MGMT: variants seen among roughly 807,000 people sequenced by gnomAD.
The protein encoded by MGMT is methylated-DNA--protein-cysteine methyltransferase.
MGMT carries 14 observed loss-of-function variants against 15.9 expected under a neutral mutation model. The ratio of observed to expected loss-of-function variants is 0.88; its 90% CI spans 0.58 to 1.37. The LOEUF (loss-of-function observed/expected upper bound fraction) is 1.37. MGMT is among the 40% of genes most tolerant of loss of function. MGMT has a pLI of 0.00. For synonymous variants in MGMT, 130 were observed against 118.2 expected (o/e 1.10, Z -0.65); for missense variants, 282 against 268.1 (o/e 1.05, Z -0.36).
At chr10:129,740,988 G>A (rs979479688) in intron 3 of MGMT, among the ~76,000 whole-genome samples, 1 of 152,172 alleles carries the variant, frequency 6.6e-6, no homozygotes, top group African/African-American at 2.4e-5. Flanking sequence ...GCTCAAACTT[G>A]CATTTTCTGA....
intron 2 of MGMT, among the ~76,000 whole-genome samples, chr10:129,565,329 T>C (rs1846342215): frequency 1.3e-5 from 2 of 151,918 alleles, no homozygotes; most frequent in African/African-American, 2.4e-5. Context: ...CAGTCTACCC[T>C]CTGAACTGAT....
At chr10:129,585,608 C>A (rs1357659465) in intron 2 of MGMT, among the ~76,000 whole-genome samples, 1 of 152,178 alleles carries the variant, frequency 6.6e-6, no homozygotes, top group African/African-American at 2.4e-5. Context: ...ATACCTAATG[C>A]CTAGATATCA....
chr10:129,512,872 C>T (rs568439199), intron 1 of MGMT, among the ~76,000 whole-genome samples: 26 of 152,026 alleles, frequency 1.7e-4, no homozygotes, highest in Admixed American at 1.7e-3. Context: ...ATAGAATTCC[C>T]ATGTGGCCCA....
chr10:129,638,441 A>G (rs538734904), intron 2 of MGMT, among the ~76,000 whole-genome samples: 7,104 of 121,496 alleles, frequency 0.058, 709 homozygotes, highest in African/African-American at 0.19. Flanking sequence ...AAAAAAAAAA[A>G]AAAAGAAAAA....
At chr10:129,635,506 A>G (rs549344256) in intron 2 of MGMT, among the ~76,000 whole-genome samples, 1 of 152,188 alleles carries the variant, frequency 6.6e-6, no homozygotes, top group Admixed American at 6.5e-5. Flanking sequence ...AGTGTGTTCT[A>G]TTTAATTTAT....
intron 2 of MGMT, among the ~76,000 whole-genome samples, chr10:129,677,427 T>G (rs1847798075): frequency 6.6e-6 from 1 of 152,218 alleles, no homozygotes; most frequent in South Asian, 2.1e-4. Flanking sequence ...TGTATTCATC[T>G]CTGCCCTGTA....
At chr10:129,712,508 T>C (rs561481003) in intron 3 of MGMT, among the ~76,000 whole-genome samples, 1 of 152,284 alleles carries the variant, frequency 6.6e-6, no homozygotes, top group South Asian at 2.1e-4. Context: ...GGATTCATAT[T>C]TTTGTATTTT....
intron 1 of MGMT, among the ~76,000 whole-genome samples, chr10:129,502,154 A>T (rs913219072): frequency 6.6e-6 from 1 of 152,190 alleles, no homozygotes; most frequent in African/African-American, 2.4e-5. Context: ...GAGTGTGTCT[A>T]TGTCCTGGAG....
At chr10:129,653,879 G>A (rs1448493630) in intron 2 of MGMT, among the ~76,000 whole-genome samples, 1 of 152,166 alleles carries the variant, frequency 6.6e-6, no homozygotes, top group Non-Finnish European at 1.5e-5. Context: ...GAAGCATGAG[G>A]AGGACCCTGT....
intron 3 of MGMT, among the ~76,000 whole-genome samples, chr10:129,742,421 C>T (rs527881745): frequency 4.6e-5 from 7 of 151,754 alleles, no homozygotes; most frequent in South Asian, 2.1e-4. Flanking sequence ...GCCCCAGGAC[C>T]GCAGCAGCCC....
chr10:129,576,906 G>A (rs563387687), intron 2 of MGMT, among the ~76,000 whole-genome samples: 1 of 152,268 alleles, frequency 6.6e-6, no homozygotes, highest in East Asian at 1.9e-4. Context: ...GCAAACAAGA[G>A]CCAAATCATG....
At chr10:129,565,910 C>T (rs1054147490) in intron 2 of MGMT, among the ~76,000 whole-genome samples, 24 of 152,158 alleles carry the variant, frequency 1.6e-4, no homozygotes, top group African/African-American at 5.1e-4. Context: ...GGGCTTGGAC[C>T]GGAGCGTCTT....
intron 3 of MGMT, among the ~76,000 whole-genome samples, chr10:129,743,246 C>G (rs1336731684): frequency 2.6e-5 from 4 of 152,244 alleles, no homozygotes; most frequent in Non-Finnish European, 5.9e-5. Context: ...TCACCTCACT[C>G]AGGAGGGTTC....
intron 2 of MGMT, among the ~76,000 whole-genome samples, chr10:129,628,901 C>T (rs1005326387): frequency 6.6e-6 from 1 of 152,204 alleles, no homozygotes; most frequent in Non-Finnish European, 1.5e-5. Context: ...CCCCTTCCTT[C>T]CTTCCTTGCA....
At position 129,768,165 on chromosome 10, in the gene MGMT, G is replaced by A. The variant is rs1848960413; in HGVS notation, c.*1168G>A. Reference sequence around the variant, plus strand: ...GTCACCGAGGCCTGGATGAAAATGTGGCCTCACGATGTGTATGGTTGGGAC... The same window carrying A: ...GTCACCGAGGCCTGGATGAAAATGTAGCCTCACGATGTGTATGGTTGGGAC... On this transcript the variant is annotated 3_prime_UTR_variant, in exon 5 of 5. Coordinates refer to ENST00000651593, the MANE Select transcript of MGMT (RefSeq NM_002412.5). Among the ~76,000 whole-genome samples the A allele has an allele frequency of 6.6e-6, 1 of 152,144 alleles. No homozygotes were observed. The highest frequency in any genetic ancestry group is 2.4e-5 in the African/African-American group (1 of 41,432).
At position 129,751,045 on chromosome 10, in the gene MGMT, G is replaced by A. The variant is rs573794812; in HGVS notation, c.275-8157G>A. On this transcript the variant is annotated intron_variant, in intron 3 of 4. Coordinates refer to ENST00000651593, the MANE Select transcript of MGMT (RefSeq NM_002412.5). Reference sequence around the variant, plus strand: ...TTTCTGACTTTTTCTGGTTTTGATGGTGGAGTAATGCTGGTCTCATAAAAC... The same window carrying A: ...TTTCTGACTTTTTCTGGTTTTGATGATGGAGTAATGCTGGTCTCATAAAAC... Among the ~76,000 whole-genome samples, 6 of 152,098 alleles carry A rather than the reference G, an allele frequency of 3.9e-5. No individual in the cohort carries two copies. In the South Asian group the frequency reaches 1.2e-3, roughly 32 times the overall value.
chr10:129,667,530 G>A (rs992638022), intron 2 of MGMT, among the ~76,000 whole-genome samples: 1 of 152,060 alleles, frequency 6.6e-6, no homozygotes, highest in Non-Finnish European at 1.5e-5. Context: ...CTTCCACTCT[G>A]ATGGACATTT....
In MGMT at chr10:129,549,766, C is replaced by T. The variant is rs151287909; in HGVS notation, c.125+13389C>T. Among the ~76,000 whole-genome samples the T allele has an allele frequency of 6.2e-3, 937 of 152,320 alleles. 11 individuals are homozygous for T. Among genetic ancestry groups the T allele is most frequent in the African/African-American group, 0.022 (904 of 41,566 alleles). On this transcript the variant is annotated intron_variant, in intron 2 of 4. Transcript: ENST00000651593. ...AGAATCACGGCCGCTGCTGGAAGCT[C>T]AGAGGAGAGGTCCATTTTAAAGGGC...
chr10:129,616,116 G>A (rs1439575661), intron 2 of MGMT, among the ~76,000 whole-genome samples: 1 of 152,190 alleles, frequency 6.6e-6, no homozygotes, highest in Non-Finnish European at 1.5e-5. Flanking sequence ...TCTCTGAAAG[G>A]CAGGGTGTGG....
Sources: allele counts gnomAD v4.1 joint callset (sites outside exome capture counted in the v4.1 genomes callset), GRCh38; gene constraint gnomAD v4.1.1; transcripts MANE v1.5; gene names NCBI Gene and HGNC (gene_info 2026-07-23, HGNC 2026-07-21).